TEX14: variants seen among roughly 807,000 people sequenced by gnomAD.
The protein encoded by TEX14 is inactive serine/threonine-protein kinase TEX14.
Under a neutral mutation model 178.6 loss-of-function variants are expected in TEX14, and 168 were observed. The ratio of observed to expected loss-of-function variants is 0.94; its 90% CI spans 0.83 to 1.07. The LOEUF is 1.07. TEX14 is among the 50% of genes least tolerant of loss of function. TEX14 has a pLI of 0.00. For missense variants in TEX14, 1,730 were observed against 1,753.6 expected (o/e 0.99, Z 0.24); for synonymous variants, 626 against 634.1 (o/e 0.99, Z 0.19).
intron 21 of TEX14, among the ~76,000 whole-genome samples, chr17:58,576,994 T>C (rs1291187599): frequency 6.6e-6 from 1 of 152,236 alleles, no homozygotes; most frequent in Admixed American, 6.5e-5. Context: ...CGTTCCTGTA[T>C]GTATTTCTGT....
chr17:58,689,587 T>G (rs2047657700), intron 1 of TEX14, among the ~76,000 whole-genome samples: 1 of 152,190 alleles, frequency 6.6e-6, no homozygotes. Context: ...ACTACACAGA[T>G]GTAATGTCTG....
At chr17:58,659,284 C>T (rs572682666) in intron 1 of TEX14, 100 of 945,118 alleles carry the variant, frequency 1.1e-4, no homozygotes, top group Admixed American at 3.1e-4. Flanking sequence ...CCAACAGCGT[C>T]TCTCCCCCGC....
intron 1 of TEX14, among the ~76,000 whole-genome samples, chr17:58,662,133 G>A (rs532474327): frequency 5.6e-5 from 8 of 143,952 alleles, no homozygotes; most frequent in Non-Finnish European, 7.6e-5. Flanking sequence ...GAGCCACCAC[G>A]CCTGGCCTAA....
chr17:58,605,934 G>A (rs2045596898), intron 10 of TEX14, among the ~76,000 whole-genome samples: 3 of 152,148 alleles, frequency 2.0e-5, no homozygotes, highest in African/African-American at 7.2e-5. Flanking sequence ...TGTACTTCTG[G>A]GCTTACACCA....
chr17:58,588,281 A>G (rs1314254752), intron 15 of TEX14, among the ~76,000 whole-genome samples: 1 of 152,124 alleles, frequency 6.6e-6, no homozygotes, highest in African/African-American at 2.4e-5. Context: ...GCCCACCTTC[A>G]TATCAGTGAC....
intron 1 of TEX14, among the ~76,000 whole-genome samples, chr17:58,669,384 G>A (rs2047266104): frequency 1.3e-5 from 2 of 151,524 alleles, no homozygotes; most frequent in Admixed American, 6.6e-5. Flanking sequence ...AGGAGGGGGT[G>A]TGGAGAGGAG....
At chr17:58,687,415 T>C (rs1352920826) in intron 1 of TEX14, among the ~76,000 whole-genome samples, 1 of 152,112 alleles carries the variant, frequency 6.6e-6, no homozygotes, top group East Asian at 1.9e-4. Context: ...GCATTTGCCC[T>C]CCTTTGTTCA....
chr17:58,635,009 G>GTT (rs2046402445), intron 2 of TEX14, among the ~76,000 whole-genome samples: 1 of 152,000 alleles, frequency 6.6e-6, no homozygotes, highest in South Asian at 2.1e-4. Context: ...GCGGGCGCCT[G>GTT]TAATACTAGC....
At chr17:58,691,478 C>G (rs1331820836) in intron 1 of TEX14, among the ~76,000 whole-genome samples, 1 of 151,578 alleles carries the variant, frequency 6.6e-6, no homozygotes, top group Non-Finnish European at 1.5e-5. Flanking sequence ...ACCAGCCTGG[C>G]CAATATGGTG....
At chr17:58,615,115 A>C in intron 8 of TEX14, 117 bp downstream of exon 8, 2 of 631,052 alleles carry the variant, frequency 3.2e-6, no homozygotes, top group South Asian at 4.1e-5. Flanking sequence ...AACAGTCAGG[A>C]AATGCTGAGA....
intron 10 of TEX14, among the ~76,000 whole-genome samples, chr17:58,608,854 T>G (rs539361185): frequency 6.6e-6 from 1 of 152,276 alleles, no homozygotes; most frequent in African/African-American, 2.4e-5. Flanking sequence ...GTAGTAAAAG[T>G]GCCTTCAAAT....
chr17:58,691,277 A>T (rs1293454818), intron 1 of TEX14, among the ~76,000 whole-genome samples: 1 of 152,168 alleles, frequency 6.6e-6, no homozygotes, highest in Non-Finnish European at 1.5e-5. Context: ...TGCTCAACAT[A>T]CGTTGTTTCC....
chr17:58,617,720 T>A, intron 5 of TEX14, 101 bp from the exon 6 acceptor site: 1 of 756,936 alleles, frequency 1.3e-6, no homozygotes, highest in Middle Eastern at 3.3e-4. Flanking sequence ...TGACTTTGTC[T>A]TTACTGCTAG....
chr17:58,600,559 CAAA>C (rs36057622), intron 13 of TEX14, among the ~76,000 whole-genome samples: 1 of 114,636 alleles, frequency 8.7e-6, no homozygotes, highest in African/African-American at 3.1e-5. Context: ...GAAACTGTCT[CAAA>C]AAAAAAAAAA....
intron 9 of TEX14, among the ~76,000 whole-genome samples, chr17:58,612,578 T>C (rs1445148888): frequency 6.6e-6 from 1 of 151,390 alleles, no homozygotes; most frequent in African/African-American, 2.4e-5. Flanking sequence ...CTACTAAAAA[T>C]ACAAAAATTG....
intron 1 of TEX14, among the ~76,000 whole-genome samples, chr17:58,690,059 C>T (rs1263800298): frequency 6.6e-6 from 1 of 151,852 alleles, no homozygotes; most frequent in African/African-American, 2.4e-5. Flanking sequence ...TCATGTTAGC[C>T]AGGATGGTCT....
At chr17:58,613,359 A>G (rs2045792262) in intron 9 of TEX14, 62 bp downstream of exon 9, 2 of 1,604,350 alleles carry the variant, frequency 1.2e-6, no homozygotes, top group Admixed American at 3.3e-5. Flanking sequence ...CTGGGGCAAG[A>G]GGGTGAGGAG....
At position 58,615,299 on chromosome 17, in the gene TEX14, G is replaced by A; in HGVS notation, c.814C>T (p.Pro272Ser). ...AGCCTGCTGCAGTGTGGGTGGGTGGGGAGATTCAGCTCTTTCACTGTGACC... is the reference window on the plus strand; with the variant it reads ...AGCCTGCTGCAGTGTGGGTGGGTGGAGAGATTCAGCTCTTTCACTGTGACC... ...SRVTVKELNL[P>S]THPHCSRLRL... Residue 272 changes from proline to serine, a missense_variant, in exon 8 of 32, where the codon CCC becomes TCC. Transcript: ENST00000349033. 1 of 1,613,602 alleles carries A rather than the reference G, an allele frequency of 6.2e-7. No homozygotes were observed. Among genetic ancestry groups the A allele is most frequent in the Non-Finnish European group, 8.5e-7 (1 of 1,179,576 alleles).
At chr17:58,642,516 CATTTT>C (rs1221127779) in intron 2 of TEX14, among the ~76,000 whole-genome samples, 2 of 151,614 alleles carry the variant, frequency 1.3e-5, no homozygotes, top group Admixed American at 6.6e-5. Context: ...TATATATATA[CATTTT>C]ATTTTATTTT....
Sources: gnomAD v4.1 joint callset for allele counts (sites outside exome capture counted in the v4.1 genomes callset) on GRCh38, gnomAD v4.1.1 for gene constraint, MANE v1.5 for transcripts, NCBI Gene and HGNC (gene_info 2026-07-23, HGNC 2026-07-21) for gene names.